KLHDC4: variants seen among roughly 807,000 people sequenced by gnomAD.
KLHDC4 encodes kelch domain containing 4.
Under a neutral mutation model 62.4 loss-of-function variants are expected in KLHDC4, and 90 were observed. The observed-to-expected ratio is 1.44, with a 90% CI of 1.22 to 1.72. The LOEUF (loss-of-function observed/expected upper bound fraction) is 1.72, where lower values mean the gene tolerates loss of function less well. Ranked by LOEUF, KLHDC4 falls within the 40% of genes most tolerant of loss-of-function variation. KLHDC4 has a pLI of 0.00. For missense variants in KLHDC4, 1,025 were observed against 699.7 expected (o/e 1.47, Z -5.25); for synonymous variants, 386 against 284.4 (o/e 1.36, Z -3.59).
At chr16:87,719,795 G>C (rs1445090487) in intron 7 of KLHDC4, among the ~76,000 whole-genome samples, 3 of 152,228 alleles carry the variant, frequency 2.0e-5, no homozygotes, top group East Asian at 3.8e-4. Context: ...ATCTGAGAGA[G>C]AGATCAAGTG....
chr16:87,738,494 G>A (rs1270226362), intron 5 of KLHDC4, among the ~76,000 whole-genome samples: 3 of 152,080 alleles, frequency 2.0e-5, no homozygotes, highest in Non-Finnish European at 4.4e-5. Flanking sequence ...GCAGAAAAGT[G>A]GAAACAACCC....
chr16:87,758,751 G>A (rs1279235088), intron 2 of KLHDC4, among the ~76,000 whole-genome samples: 1 of 152,202 alleles, frequency 6.6e-6, no homozygotes, highest in Non-Finnish European at 1.5e-5. Flanking sequence ...GCTGTCCTGG[G>A]CCACCAGTTA....
chr16:87,728,984 C>CCAGG (rs1021585761), intron 6 of KLHDC4, among the ~76,000 whole-genome samples: 2 of 152,086 alleles, frequency 1.3e-5, no homozygotes, highest in Admixed American at 6.5e-5. Flanking sequence ...GCCATGTTGG[C>CCAGG]CAGGCTGGTC....
At position 87,731,046 on chromosome 16, in the gene KLHDC4, CTTTTTTTTTTTTTTTTTTTT is replaced by C. The variant is rs774096264; in HGVS notation, c.507-422_507-403del. 606 of 72,112 alleles carry C rather than the reference CTTTTTTTTTTTTTTTTTTTT, an allele frequency of 8.4e-3. 6 individuals carry two copies. The highest frequency in any genetic ancestry group is 0.024 in the African/African-American group (574 of 23,506). 4.5% of individuals were successfully genotyped at this position (72,112 alleles called of 1,614,324 possible). A position where few individuals can be genotyped will look rare whatever the true frequency, so the allele number is the denominator to read the frequency against. On this transcript the variant is annotated intron_variant, in intron 5 of 11. Transcript: ENST00000270583. ...TTGTATCCAGAATACATACAGAATT[CTTTTTTTTTTTTTTTTTTTT>C]TTTTTTTTTTTTTTTGAGATGGACT...
At chr16:87,722,151 T>C (rs2038491711) in intron 7 of KLHDC4, among the ~76,000 whole-genome samples, 1 of 152,236 alleles carries the variant, frequency 6.6e-6, no homozygotes, top group African/African-American at 2.4e-5. Flanking sequence ...TCCCACACGC[T>C]GCATCTCTTT....
chr16:87,755,350 G>T, intron 3 of KLHDC4, 58 bp from the exon 4 acceptor site: 2 of 916,338 alleles, frequency 2.2e-6, no homozygotes, highest in Non-Finnish European at 3.6e-6. Flanking sequence ...AGGAAGTGGT[G>T]AGAACAATCT....
At chr16:87,735,052 T>TTCC (rs1392008237) in intron 5 of KLHDC4, among the ~76,000 whole-genome samples, 21 of 144,474 alleles carry the variant, frequency 1.5e-4, no homozygotes, top group Non-Finnish European at 2.5e-4. Flanking sequence ...CCAGACGAAT[T>TTCC]TCCTGATGGA....
At position 87,711,295 on chromosome 16, in the gene KLHDC4, G is replaced by C. The variant is rs1349460580; in HGVS notation, c.984C>G (p.Phe328Leu). 1.2e-6 allele frequency: 2 copies of C among 1,614,138 alleles called. No homozygotes were observed. The highest frequency in any genetic ancestry group is 2.2e-5 in the East Asian group (1 of 44,878). The change falls in exon 9 of 12, where the codon TTC becomes TTG. Residue 328 changes from phenylalanine to leucine, a missense_variant. Phe to Leu is a conservative substitution (Grantham distance 22). Transcript: ENST00000270583. ...EEEEESLSGE[F>L]FNDLYFYDAT... is the part of the protein sequence containing the mutation. ...CGTCGTAGAAGTACAGATCGTTGAA[G>C]AACTCGCCCGACAGGCTCTCCTCCT... is the stretch of plus-strand genomic sequence containing the variant.
rs2045963250 is a variant in KLHDC4, at chr16:87,761,998, C to A, written c.142G>T (p.Ala48Ser). The change falls in exon 2 of 12, where the codon GCC (alanine) becomes TCC (serine). Residue 48 changes from alanine (A) to serine (S), a missense_variant. Ala to Ser is a moderately conservative substitution (Grantham distance 99). Coordinates refer to ENST00000270583, the MANE Select transcript of KLHDC4 (RefSeq NM_017566.4). ...AGTTCCACAGTCTGAGTCCTCTTGG[C>A]ATCGAGTGTCTGGAAATGGGCTATG... is the stretch of plus-strand genomic sequence containing the variant. ...ALIAHFQTLD[A>S]KRTQTVELPC... The A allele has an allele frequency of 6.2e-7, 1 of 1,614,034 alleles. No individual in the cohort carries two copies. The highest frequency in any genetic ancestry group is 1.3e-5 in the African/African-American group (1 of 75,036).
intron 5 of KLHDC4, among the ~76,000 whole-genome samples, chr16:87,745,826 G>A (rs1314373772): frequency 6.6e-6 from 1 of 152,164 alleles, no homozygotes; most frequent in Admixed American, 6.5e-5. Flanking sequence ...AGCTGTCAAA[G>A]AACATCTCCT....
intron 3 of KLHDC4, chr16:87,755,519 G>T (rs1335838665): frequency 7.4e-6 from 3 of 406,250 alleles, no homozygotes; most frequent in Non-Finnish European, 1.4e-5. Context: ...GGTACTGAAA[G>T]CCCTCGTTGT....
rs1314622330 is a variant in KLHDC4, at chr16:87,761,951, T to C, written c.189A>G (p.Pro63=). 6.2e-7 allele frequency: 1 copy of C among 1,613,228 alleles called. No individual in the cohort carries two copies. Residue 63 remains proline, a splice_region_variant and synonymous_variant, in exon 2 of 12, where the codon CCA becomes CCG. Transcript: ENST00000270583. The part of the protein sequence containing the change: ...TVELPCPPPS[P]RLNASLSVHP... ...TATGAAAAATGCTACTTGCTCACCT[T>C]GGTGAGGGTGGGGGGCACGGAAGTT...
At chr16:87,754,660 G>C (rs1368794855) in intron 4 of KLHDC4, among the ~76,000 whole-genome samples, 1 of 152,204 alleles carries the variant, frequency 6.6e-6, no homozygotes, top group Non-Finnish European at 1.5e-5. Flanking sequence ...CAAGGACAGA[G>C]TTCCCATCCT....
intron 2 of KLHDC4, among the ~76,000 whole-genome samples, chr16:87,760,406 G>A (rs1454258691): frequency 1.3e-5 from 2 of 150,630 alleles, no homozygotes; most frequent in Admixed American, 6.6e-5. Context: ...AGAAGATCAA[G>A]ACCATCCTGG....
At chr16:87,763,764 G>C (rs946294173) in intron 1 of KLHDC4, among the ~76,000 whole-genome samples, 1 of 152,298 alleles carries the variant, frequency 6.6e-6, no homozygotes. Flanking sequence ...CTTTGACCTT[G>C]GCTGAACCTC....
At position 87,726,800 on chromosome 16, in the gene KLHDC4, C is replaced by A. The variant is rs371796435; in HGVS notation, c.724G>T (p.Gly242Cys). ...TAGCCCCCATAGACGACGATGCCGC[C>A]CTGGGGAGTGACGGACATCTGGCAG... Reference protein sequence around the residue: ...SGCQMSVTPQGGIVVYGGYSK... With the variant: ...SGCQMSVTPQCGIVVYGGYSK... The change falls in exon 7 of 12, where the codon GGC becomes TGC. Residue 242 changes from glycine to cysteine, a missense_variant. Gly to Cys is a radical substitution (Grantham distance 159). Transcript: ENST00000270583. The A allele has an allele frequency of 6.2e-5, 100 of 1,609,470 alleles. No individual in the cohort carries two copies. Among genetic ancestry groups the A allele is most frequent in the Admixed American group, 8.4e-5 (5 of 59,282 alleles).
chr16:87,722,940 A>G (rs1286620535), intron 7 of KLHDC4, among the ~76,000 whole-genome samples: 1 of 152,182 alleles, frequency 6.6e-6, no homozygotes, highest in Middle Eastern at 3.2e-3. Flanking sequence ...TCCTGGGAGC[A>G]TGGACGGGGC....
chr16:87,752,250 G>C (rs922269056), intron 4 of KLHDC4, among the ~76,000 whole-genome samples: 2 of 95,558 alleles, frequency 2.1e-5, no homozygotes, highest in Non-Finnish European at 2.3e-5. Context: ...CCACAAAAAA[G>C]AAAAAAAAAA....
chr16:87,721,784 G>T (rs1438319546), intron 7 of KLHDC4, among the ~76,000 whole-genome samples: 2 of 152,218 alleles, frequency 1.3e-5, no homozygotes, highest in Admixed American at 6.5e-5. Flanking sequence ...GCCCTCTCCT[G>T]GTTATGCATG....
Sources: allele counts gnomAD v4.1 joint callset (sites outside exome capture counted in the v4.1 genomes callset), GRCh38; gene constraint gnomAD v4.1.1; transcripts MANE v1.5; gene names NCBI Gene and HGNC (gene_info 2026-07-23, HGNC 2026-07-21).